SDK1: variants seen among roughly 807,000 people sequenced by gnomAD.
The protein encoded by SDK1 is protein sidekick-1.
SDK1 carries 157 observed loss-of-function variants against 245.5 expected under a neutral mutation model. The observed-to-expected ratio is 0.64, with a 90% CI of 0.56 to 0.73. The LOEUF (loss-of-function observed/expected upper bound fraction) is 0.73. Ranked by LOEUF, SDK1 falls within the 30% of genes least tolerant of loss-of-function variation. The pLI is 0.00. For missense variants in SDK1, 3,583 were observed against 3,002.3 expected (o/e 1.19, Z -4.52); for synonymous variants, 1,647 against 1,278.5 (o/e 1.29, Z -6.15).
At chr7:3,977,860 G>A (rs545280803) in intron 13 of SDK1, among the ~76,000 whole-genome samples, 18 of 152,206 alleles carry the variant, frequency 1.2e-4, no homozygotes, top group Non-Finnish European at 1.5e-4. Context: ...TGCTGCCTGC[G>A]TGCATGCATG....
chr7:3,529,336 C>A (rs576869706), intron 1 of SDK1, among the ~76,000 whole-genome samples: 10 of 152,110 alleles, frequency 6.6e-5, no homozygotes, highest in Non-Finnish European at 1.2e-4. Flanking sequence ...AACCAAGGCT[C>A]CTTGAAGGAA....
chr7:3,511,733 A>C (rs1782586045), intron 1 of SDK1, among the ~76,000 whole-genome samples: 1 of 152,026 alleles, frequency 6.6e-6, no homozygotes, highest in African/African-American at 2.4e-5. Context: ...AAGAAGCAAA[A>C]AATAAGCATA....
chr7:4,067,962 G>T, intron 20 of SDK1, 26 bp downstream of exon 20: 4 of 1,535,160 alleles, frequency 2.6e-6, no homozygotes, highest in Non-Finnish European at 3.6e-6. Flanking sequence ...CTTCAAAAAA[G>T]GAAAAGATAA....
intron 44 of SDK1, among the ~76,000 whole-genome samples, chr7:4,248,650 G>A (rs1207481341): frequency 6.7e-6 from 1 of 150,358 alleles, no homozygotes; most frequent in East Asian, 2.0e-4. Context: ...ACATACCTGT[G>A]CACATGTACA....
At chr7:3,582,687 A>G (rs1780546970) in intron 1 of SDK1, among the ~76,000 whole-genome samples, 2 of 132,894 alleles carry the variant, frequency 1.5e-5, no homozygotes, top group Admixed American at 7.3e-5. Context: ...CTAAAGTAAA[A>G]AAAAAAAAAA....
intron 4 of SDK1, among the ~76,000 whole-genome samples, chr7:3,664,374 C>T (rs1356671829): frequency 1.3e-5 from 2 of 152,154 alleles, no homozygotes; most frequent in African/African-American, 4.8e-5. Context: ...AAACTCGAAT[C>T]TGTGTACTCT....
chr7:3,951,658 G>C, intron 6 of SDK1, 72 bp from the exon 7 acceptor site: 1 of 1,392,450 alleles, frequency 7.2e-7, no homozygotes, highest in Non-Finnish European at 1.0e-6. Flanking sequence ...CCTGTGCCGA[G>C]TGCCTGAGAT....
intron 4 of SDK1, among the ~76,000 whole-genome samples, chr7:3,723,560 C>A (rs1328607603): frequency 6.6e-6 from 1 of 152,042 alleles, no homozygotes; most frequent in Non-Finnish European, 1.5e-5. Context: ...ACCTTATGAA[C>A]TTTCCATTAT....
intron 22 of SDK1, among the ~76,000 whole-genome samples, chr7:4,087,420 T>C (rs1205579219): frequency 1.7e-4 from 26 of 152,156 alleles, no homozygotes; most frequent in Admixed American, 1.7e-3. Context: ...AACTATGCTT[T>C]AATATCTGGT....
intron 1 of SDK1, among the ~76,000 whole-genome samples, chr7:3,612,840 A>T (rs956039501): frequency 2.6e-5 from 4 of 152,182 alleles, no homozygotes; most frequent in African/African-American, 9.7e-5. Flanking sequence ...GGTGCTGATT[A>T]TGATGGCTTA....
chr7:3,594,724 T>C (rs1780997236), intron 1 of SDK1, among the ~76,000 whole-genome samples: 2 of 152,222 alleles, frequency 1.3e-5, no homozygotes, highest in South Asian at 2.1e-4. Context: ...TTCCTGTGCT[T>C]ATTAGTCTAA....
At chr7:4,173,073 A>G (rs616973) in intron 32 of SDK1, among the ~76,000 whole-genome samples, 99,854 of 152,200 alleles carry the variant, frequency 0.66, 32,958 homozygotes, top group East Asian at 0.76. Flanking sequence ...GGCTCCGCCC[A>G]GGGAGCAGGA....
At chr7:3,341,951 C>A (rs1241301641) in intron 1 of SDK1, among the ~76,000 whole-genome samples, 1 of 152,248 alleles carries the variant, frequency 6.6e-6, no homozygotes, top group East Asian at 1.9e-4. Context: ...TATGGAAAGG[C>A]ATAGGCCCCA....
chr7:3,955,301 G>C (rs774303613), intron 7 of SDK1, among the ~76,000 whole-genome samples: 2 of 152,190 alleles, frequency 1.3e-5, no homozygotes, highest in Non-Finnish European at 2.9e-5. Flanking sequence ...CTCATCTCCA[G>C]AGCCAGCAGC....
intron 1 of SDK1, among the ~76,000 whole-genome samples, chr7:3,490,797 A>G (rs1410322940): frequency 6.6e-6 from 1 of 152,170 alleles, no homozygotes; most frequent in African/African-American, 2.4e-5. Context: ...CACATCCCAC[A>G]TTTGGGTAGA....
At chr7:3,992,328 A>C (rs1306234497) in intron 14 of SDK1, among the ~76,000 whole-genome samples, 1 of 152,220 alleles carries the variant, frequency 6.6e-6, no homozygotes, top group African/African-American at 2.4e-5. Flanking sequence ...CTCTGCAGGC[A>C]TGCCAGGGTT....
chr7:4,262,213 A>G (rs545084750), intron 44 of SDK1, among the ~76,000 whole-genome samples: 1 of 150,296 alleles, frequency 6.7e-6, no homozygotes, highest in African/African-American at 2.4e-5. Context: ...TAATTTTTGT[A>G]TTTTTAGCAG....
At chr7:3,745,353 C>CA (rs1376838258) in intron 4 of SDK1, among the ~76,000 whole-genome samples, 1 of 152,182 alleles carries the variant, frequency 6.6e-6, no homozygotes, top group East Asian at 1.9e-4. Flanking sequence ...AATGTAGACT[C>CA]ACAAGAAGTT....
intron 5 of SDK1, among the ~76,000 whole-genome samples, chr7:3,823,380 C>T (rs1181393584): frequency 6.6e-6 from 1 of 152,048 alleles, no homozygotes; most frequent in South Asian, 2.1e-4. Context: ...GCATCAGAAA[C>T]AAGGAAGTTG....
Sources: allele counts gnomAD v4.1 joint callset (sites outside exome capture counted in the v4.1 genomes callset), GRCh38; gene constraint gnomAD v4.1.1; transcripts MANE v1.5; gene names NCBI Gene and HGNC (gene_info 2026-07-23, HGNC 2026-07-21).